ATF7IP2: variants seen among roughly 807,000 people sequenced by gnomAD.
ATF7IP2 encodes the protein activating transcription factor 7 interacting protein 2, also known as activating transcription factor 7-interacting protein 2.
Under a neutral mutation model 64.2 loss-of-function variants are expected in ATF7IP2, and 42 were observed. That is an observed-to-expected ratio of 0.65 (90% CI 0.51 to 0.85). The LOEUF (loss-of-function observed/expected upper bound fraction) is 0.85. Ranked by LOEUF, ATF7IP2 falls within the 40% of genes least tolerant of loss-of-function variation. ATF7IP2 has a pLI of 0.00. For synonymous variants in ATF7IP2, 308 were observed against 272.8 expected (o/e 1.13, Z -1.27); for missense variants, 933 against 784.2 (o/e 1.19, Z -2.27).
At chr16:10,452,732 G>C (rs1441871880) in intron 8 of ATF7IP2, among the ~76,000 whole-genome samples, 1 of 152,160 alleles carries the variant, frequency 6.6e-6, no homozygotes, top group Admixed American at 6.5e-5. Flanking sequence ...CAGGGAGATG[G>C]GGGGTTTATC....
At chr16:10,413,561 T>C (rs1033952660) in intron 1 of ATF7IP2, among the ~76,000 whole-genome samples, 1 of 152,224 alleles carries the variant, frequency 6.6e-6, no homozygotes, top group Non-Finnish European at 1.5e-5. Flanking sequence ...CTGTTCATCA[T>C]GCTGTTTGTT....
chr16:10,386,920 G>C (rs943994677), intron 1 of ATF7IP2: 1 of 152,046 alleles, frequency 6.6e-6, no homozygotes. Flanking sequence ...CTACCTTTCC[G>C]TGTTTCTGTG....
chr16:10,443,412 T>C (rs749956673), intron 8 of ATF7IP2, among the ~76,000 whole-genome samples: 16 of 152,116 alleles, frequency 1.1e-4, no homozygotes, highest in Non-Finnish European at 7.4e-5. Flanking sequence ...AGAAGAGAGC[T>C]ACCATACAGT....
rs374355408 is a variant in ATF7IP2 at position 10,440,501 on chromosome 16, A to T, written c.1194+39A>T. On this transcript the variant is annotated intron_variant, in intron 8 of 13. Transcript: ENST00000562102. Reference sequence around the variant, plus strand: ...CACAGGAATTGTAATCATCTATTTGACTCATATAAGTGGTTTGATTAGAAG... The same window carrying T: ...CACAGGAATTGTAATCATCTATTTGTCTCATATAAGTGGTTTGATTAGAAG... 166 of 1,139,116 alleles carry T rather than the reference A, an allele frequency of 1.5e-4. 2 individuals are homozygous for T. The highest frequency in any genetic ancestry group is 1.2e-3 in the South Asian group (82 of 70,110). 70.6% of individuals were successfully genotyped at this position (1,139,116 alleles called of 1,614,324 possible).
chr16:10,411,356 T>TC (rs1008345205), intron 1 of ATF7IP2, among the ~76,000 whole-genome samples: 2 of 121,386 alleles, frequency 1.6e-5, no homozygotes, highest in South Asian at 2.9e-4. Flanking sequence ...TTTTTGTTTT[T>TC]TTTTTTTTGG....
chr16:10,397,727 C>T (rs557089720), intron 1 of ATF7IP2, among the ~76,000 whole-genome samples: 1 of 151,562 alleles, frequency 6.6e-6, no homozygotes, highest in East Asian at 2.0e-4. Flanking sequence ...AAATTAGGTG[C>T]ACGCCAGTGG....
chr16:10,435,208 T>C (rs980031865), intron 6 of ATF7IP2, among the ~76,000 whole-genome samples: 1 of 152,220 alleles, frequency 6.6e-6, no homozygotes, highest in Non-Finnish European at 1.5e-5. Context: ...GCCCTCCCCG[T>C]CATTCTGACA....
intron 1 of ATF7IP2, among the ~76,000 whole-genome samples, chr16:10,395,873 C>A (rs994567305): frequency 4.7e-4 from 71 of 152,206 alleles, no homozygotes; most frequent in African/African-American, 1.5e-3. Flanking sequence ...TGGACCCCTC[C>A]TGGCATTTCT....
intron 9 of ATF7IP2, among the ~76,000 whole-genome samples, chr16:10,459,731 T>TA (rs2049310229): frequency 6.6e-6 from 1 of 152,184 alleles, no homozygotes; most frequent in African/African-American, 2.4e-5. Context: ...CAGGACTTGA[T>TA]AAAATACCCA....
Position 10,482,513 on chromosome 16 carries a change from GA to G in ATF7IP2, c.*265del. 1 of 270,962 alleles carries G rather than the reference GA, an allele frequency of 3.7e-6. No individual in the cohort carries two copies. The allele number at this position is 270,962 out of a possible 1,614,324, so 16.8% of individuals were successfully genotyped here. A position where few individuals can be genotyped will look rare whatever the true frequency, so the allele number is the denominator to read the frequency against. On this transcript the variant is annotated 3_prime_UTR_variant, in exon 14 of 14. Coordinates refer to ENST00000562102, the MANE Select transcript of ATF7IP2 (RefSeq NM_001393719.1). ...GTGCATTGTGAACAATACCTTTAGT[GA>G]CTGTGGAACTGCTGCTTCTATCAGA...
At chr16:10,469,836 A>C (rs939188016) in intron 9 of ATF7IP2, among the ~76,000 whole-genome samples, 1 of 152,126 alleles carries the variant, frequency 6.6e-6, no homozygotes, top group African/African-American at 2.4e-5. Flanking sequence ...AAGCTGTGCA[A>C]ACTAGAAGAC....
intron 6 of ATF7IP2, among the ~76,000 whole-genome samples, chr16:10,434,888 C>T (rs566418583): frequency 9.2e-5 from 14 of 152,272 alleles, no homozygotes; most frequent in African/African-American, 3.1e-4. Flanking sequence ...ACCTCCACCT[C>T]CTGAGTAGTT....
At chr16:10,476,507 T>A (rs1043216315) in intron 12 of ATF7IP2, among the ~76,000 whole-genome samples, 2 of 152,158 alleles carry the variant, frequency 1.3e-5, no homozygotes, top group Non-Finnish European at 2.9e-5. Context: ...TGTTTTTTTT[T>A]AAACTTTATG....
At chr16:10,456,061 C>T (rs896077743) in intron 8 of ATF7IP2, among the ~76,000 whole-genome samples, 4 of 151,848 alleles carry the variant, frequency 2.6e-5, no homozygotes, top group African/African-American at 7.3e-5. Flanking sequence ...CTCACTGCAA[C>T]ATCCGCCTCC....
intron 9 of ATF7IP2, among the ~76,000 whole-genome samples, chr16:10,463,916 C>G (rs2049461435): frequency 6.6e-6 from 1 of 152,172 alleles, no homozygotes; most frequent in Admixed American, 6.5e-5. Context: ...TGTGGCACCC[C>G]TCCTATTGCT....
At chr16:10,409,705 G>A (rs747960025) in intron 1 of ATF7IP2, among the ~76,000 whole-genome samples, 14 of 152,268 alleles carry the variant, frequency 9.2e-5, no homozygotes, top group Middle Eastern at 3.4e-3. Context: ...GATTACAGGC[G>A]TGAGCCACCA....
At chr16:10,411,820 G>T (rs1397740931) in intron 1 of ATF7IP2, among the ~76,000 whole-genome samples, 1 of 151,134 alleles carries the variant, frequency 6.6e-6, no homozygotes. Context: ...ATGCATAAAG[G>T]TGTTGAATTA....
Position 10,431,409 on chromosome 16 carries a change from A to C in ATF7IP2, c.789A>C (p.Glu263Asp). 1 of 1,611,414 alleles carries C rather than the reference A, an allele frequency of 6.2e-7. No homozygotes were observed. The highest frequency in any genetic ancestry group is 8.5e-7 in the Non-Finnish European group (1 of 1,177,826). Reference protein sequence around the residue: ...ECSRTSISNCESADSTWQSSL... With the variant: ...ECSRTSISNCDSADSTWQSSL... ...GTAGAACCAGTATTTCAAATTGTGAAAGTGCAGACTCAACATGGCAGTCAT... is the reference window on the plus strand; with the variant it reads ...GTAGAACCAGTATTTCAAATTGTGACAGTGCAGACTCAACATGGCAGTCAT... The change falls in exon 5 of 14, where the codon GAA (glutamate) becomes GAC (aspartate). Residue 263 changes from glutamate (E) to aspartate (D), a missense_variant. Glu to Asp is a conservative substitution (Grantham distance 45). Coordinates refer to ENST00000562102, the MANE Select transcript of ATF7IP2 (RefSeq NM_001393719.1).
chr16:10,471,414 G>C (rs929902410), intron 9 of ATF7IP2, among the ~76,000 whole-genome samples: 11 of 152,218 alleles, frequency 7.2e-5, no homozygotes, highest in Admixed American at 2.0e-4. Flanking sequence ...TGTAATCCCA[G>C]CTACTGAAGA....
Sources: allele counts gnomAD v4.1 joint callset (sites outside exome capture counted in the v4.1 genomes callset), GRCh38; gene constraint gnomAD v4.1.1; transcripts MANE v1.5; gene names NCBI Gene and HGNC (gene_info 2026-07-23, HGNC 2026-07-21).